The following WASF2 variants were observed in gnomAD, a reference collection of about 807,000 sequenced individuals.
The protein encoded by WASF2 is WASP family member 2, also known as actin-binding protein WASF2.
WASF2 carries 14 observed loss-of-function variants against 45.0 expected under a neutral mutation model. The ratio of observed to expected loss-of-function variants is 0.31; its 90% CI spans 0.21 to 0.49. The LOEUF is 0.49. Ranked by LOEUF, WASF2 falls within the 20% of genes least tolerant of loss-of-function variation. The pLI is 0.99. For missense variants in WASF2, 439 were observed against 636.1 expected (o/e 0.69, Z 3.33); for synonymous variants, 200 against 236.3 (o/e 0.85, Z 1.41).
chr1:27,420,576 G>A (rs974623893), intron 2 of WASF2, among the ~76,000 whole-genome samples: 1 of 125,592 alleles, frequency 8.0e-6, no homozygotes, highest in Non-Finnish European at 1.6e-5. Context: ...GTGGAGTGCA[G>A]TGGCACGCAA....
intron 1 of WASF2, among the ~76,000 whole-genome samples, chr1:27,475,622 TTTTTG>T (rs1394054806): frequency 2.6e-5 from 4 of 152,168 alleles, no homozygotes; most frequent in Non-Finnish European, 5.9e-5. Context: ...TTTTTATGTC[TTTTTG>T]TTTTGTTCTG....
chr1:27,463,622 CAAAAAAAAAA>C (rs998488815), intron 1 of WASF2, among the ~76,000 whole-genome samples: 12 of 41,880 alleles, frequency 2.9e-4, no homozygotes, highest in African/African-American at 8.4e-4. Flanking sequence ...GACTCTGTCT[CAAAAAAAAAA>C]AAAAAAAAAA....
intron 1 of WASF2, among the ~76,000 whole-genome samples, chr1:27,438,026 C>A (rs1486162019): frequency 1.3e-5 from 2 of 152,130 alleles, no homozygotes; most frequent in African/African-American, 4.8e-5. Context: ...AAATTTATAG[C>A]CAATGACAGA....
chr1:27,417,875 G>GT (rs2016847710), intron 4 of WASF2, among the ~76,000 whole-genome samples: 1 of 150,086 alleles, frequency 6.7e-6, no homozygotes, highest in Non-Finnish European at 1.5e-5. Flanking sequence ...TGGTTTCCAA[G>GT]TAAGTGGGAG....
chr1:27,423,656 G>C (rs2016938048), intron 2 of WASF2, among the ~76,000 whole-genome samples: 1 of 152,272 alleles, frequency 6.6e-6, no homozygotes, highest in Middle Eastern at 3.4e-3. Context: ...CACTCACTCA[G>C]ATTACCAAGA....
At chr1:27,422,234 G>A (rs1017617789) in intron 2 of WASF2, among the ~76,000 whole-genome samples, 5 of 152,222 alleles carry the variant, frequency 3.3e-5, no homozygotes, top group African/African-American at 1.2e-4. Context: ...AGGAAGTGAG[G>A]TGGTGTGAAG....
At chr1:27,413,782 G>A (rs1016931610) in intron 6 of WASF2, among the ~76,000 whole-genome samples, 4 of 152,214 alleles carry the variant, frequency 2.6e-5, no homozygotes, top group Admixed American at 2.6e-4. Context: ...CCTATGACAA[G>A]TGCCTGTCTG....
chr1:27,434,096 G>GT (rs1257552511), intron 1 of WASF2, among the ~76,000 whole-genome samples: 2 of 152,192 alleles, frequency 1.3e-5, no homozygotes, highest in Non-Finnish European at 2.9e-5. Flanking sequence ...GAATATAAAA[G>GT]TTACAGGGAA....
Position 27,418,498 on chromosome 1 carries a change from G to A in WASF2, c.266-76C>T, listed in dbSNP as rs901916636. On this transcript the variant is annotated intron_variant, in intron 3 of 8. Coordinates refer to ENST00000618852, the MANE Select transcript of WASF2 (RefSeq NM_006990.5). ...AACACTGAGTCACACCAGTCGGAGA[G>A]GCCTCAGCTGCTGCACTTCTTGGCT... The A allele has an allele frequency of 9.4e-6, 15 of 1,589,536 alleles. No homozygotes were observed. In the East Asian group the frequency reaches 3.4e-4, roughly 36 times the overall value.
chr1:27,410,117 G>A lies in WASF2; in HGVS notation c.914C>T (p.Pro305Leu), dbSNP rs368861296. 9.9e-6 allele frequency: 16 copies of A among 1,613,630 alleles called. No homozygotes were observed. The highest frequency in any genetic ancestry group is 6.7e-5 in the Admixed American group (4 of 59,998). Residue 305 changes from proline (P) to leucine (L), a missense_variant, in exon 8 of 9, where the codon CCT becomes CTT. By Grantham distance (98) the Pro-to-Leu change is moderately conservative. Coordinates refer to ENST00000618852, the MANE Select transcript of WASF2 (RefSeq NM_006990.5). The surrounding 1 kb of genome is among the most constrained non-coding windows in gnomAD (Gnocchi z 4.2). Reference sequence around the variant, plus strand: ...TTTAGGGCCTGGTGGAGAGCCTAGAGGAGGAGCTGGTGGTGGATGGCTTGG... The same window carrying A: ...TTTAGGGCCTGGTGGAGAGCCTAGAAGAGGAGCTGGTGGTGGATGGCTTGG... The part of the protein sequence containing the change: ...VSPSHPPPAP[P>L]LGSPPGPKPG...
At position 27,477,617 on chromosome 1, in the gene WASF2, C is replaced by CTA. The variant is rs541024782; in HGVS notation, c.-44+12368_-44+12369insTA. ...AAAGAGATTTTAAAAATAAATAAAT[C>CTA]GGCCGGGCGCGGTGGCTCACGCCTG... On this transcript the variant is annotated intron_variant, in intron 1 of 8. Transcript: ENST00000618852. Among the ~76,000 whole-genome samples, 93 of 148,244 alleles carry CTA rather than the reference C, an allele frequency of 6.3e-4. 11 individuals carry two copies. Among genetic ancestry groups the CTA allele is most frequent in the Middle Eastern group, 3.6e-3 (1 of 280 alleles).
chr1:27,416,559 A>C (rs2016828642), intron 4 of WASF2, among the ~76,000 whole-genome samples: 3 of 152,254 alleles, frequency 2.0e-5, no homozygotes, highest in African/African-American at 7.2e-5. Flanking sequence ...GTGGGAGTTC[A>C]TGTGTATGCA....
intron 1 of WASF2, among the ~76,000 whole-genome samples, chr1:27,447,318 C>G (rs2017323940): frequency 6.6e-6 from 1 of 152,130 alleles, no homozygotes; most frequent in Non-Finnish European, 1.5e-5. Context: ...TAGAACAGTT[C>G]TATTTAAAGT....
chr1:27,435,979 G>C (rs746544532), intron 1 of WASF2, among the ~76,000 whole-genome samples: 6 of 152,230 alleles, frequency 3.9e-5, no homozygotes, highest in Non-Finnish European at 7.3e-5. Flanking sequence ...CCAAAATGCT[G>C]ATCAGCAGTA....
At chr1:27,421,837 G>T (rs1288131175) in intron 2 of WASF2, among the ~76,000 whole-genome samples, 1 of 151,712 alleles carries the variant, frequency 6.6e-6, no homozygotes, top group Non-Finnish European at 1.5e-5. Context: ...TTAGCTGGGC[G>T]TGGTGGCGGA....
At chr1:27,489,006 T>C (rs2017985605) in intron 1 of WASF2, among the ~76,000 whole-genome samples, 1 of 152,058 alleles carries the variant, frequency 6.6e-6, no homozygotes, top group African/African-American at 2.4e-5. Context: ...TCCTCTTCCT[T>C]CTAACCCTCC....
At chr1:27,431,359 C>G (rs2017060865) in intron 1 of WASF2, among the ~76,000 whole-genome samples, 1 of 152,126 alleles carries the variant, frequency 6.6e-6, no homozygotes, top group South Asian at 2.1e-4. Context: ...AAGATGCAAT[C>G]TTCAGTAACA....
intron 1 of WASF2, among the ~76,000 whole-genome samples, chr1:27,472,758 C>CAAGA (rs933324930): frequency 7.4e-6 from 1 of 135,758 alleles, no homozygotes; most frequent in Non-Finnish European, 1.6e-5. Context: ...GCCAGGAGTT[C>CAAGA]AAGACCAATC....
At chr1:27,439,283 C>A (rs2017176977) in intron 1 of WASF2, among the ~76,000 whole-genome samples, 1 of 151,972 alleles carries the variant, frequency 6.6e-6, no homozygotes, top group Admixed American at 6.5e-5. Flanking sequence ...GTGCCTAGCA[C>A]AGAATAATTA....
Sources: gnomAD v4.1 joint callset for allele counts (sites outside exome capture counted in the v4.1 genomes callset) on GRCh38, gnomAD v4.1.1 for gene constraint, Gnocchi (gnomAD v3.1) non-coding constraint, MANE v1.5 for transcripts, NCBI Gene and HGNC (gene_info 2026-07-23, HGNC 2026-07-21) for gene names.